The following B4GALNT2 variants were observed in gnomAD, a reference collection of about 807,000 sequenced individuals.
B4GALNT2 encodes beta-1,4-N-acetyl-galactosaminyltransferase 2 (SID blood group).
In B4GALNT2, 42 loss-of-function variants were observed where a neutral mutation model predicts 51.1. The observed-to-expected ratio is 0.82, with a 90% CI of 0.64 to 1.06. The LOEUF is 1.06. Ranked by LOEUF, B4GALNT2 falls within the 50% of genes least tolerant of loss-of-function variation. B4GALNT2 has a pLI of 0.00. For synonymous variants in B4GALNT2, 253 were observed against 251.7 expected (o/e 1.01, Z -0.05); for missense variants, 602 against 633.6 (o/e 0.95, Z 0.54).
At chr17:49,134,815 T>A (rs2042575791) in intron 1 of B4GALNT2, among the ~76,000 whole-genome samples, 1 of 152,126 alleles carries the variant, frequency 6.6e-6, no homozygotes, top group South Asian at 2.1e-4. Flanking sequence ...AGTCCCGAAC[T>A]CCTGACCTCA....
rs1285421562 is a variant in B4GALNT2 at position 49,164,128 on chromosome 17, T to C, written c.807T>C (p.Thr269=). ...ACCTGGTTACCATTGCTACCAAGAC[T>C]TTCCTCCGCCCCCACAAGCTCATGA... ...LRNLVTIATK[T]FLRPHKLMIM... The change falls in exon 8 of 11, where the codon ACT becomes ACC. Residue 269 remains threonine (T), a synonymous_variant. Transcript: ENST00000393354. 6.2e-7 allele frequency: 1 copy of C among 1,614,088 alleles called. No homozygotes were observed. The highest frequency in any genetic ancestry group is 1.1e-5 in the South Asian group (1 of 91,084).
intron 4 of B4GALNT2, 133 bp downstream of exon 4, chr17:49,153,039 A>T: frequency 1.3e-6 from 1 of 759,772 alleles, no homozygotes; most frequent in South Asian, 1.5e-5. Context: ...GGAGTTCAAG[A>T]CTGCAGTGAG....
At chr17:49,133,770 G>A (rs1200301203) in intron 1 of B4GALNT2, among the ~76,000 whole-genome samples, 2 of 152,062 alleles carry the variant, frequency 1.3e-5, no homozygotes, top group Admixed American at 1.3e-4. Context: ...AAAATTAGCC[G>A]GGTGTGGTGG....
intron 10 of B4GALNT2, 24 bp downstream of exon 10, chr17:49,168,924 G>C (rs769311191): frequency 1.2e-4 from 198 of 1,603,106 alleles, no homozygotes; most frequent in Non-Finnish European, 1.7e-5. Context: ...AAGAGTGAGG[G>C]AGGGAGCTGG....
At chr17:49,122,796 G>T in the B4GALNT2 span, among the ~76,000 whole-genome samples, 1 of 152,182 alleles carries the variant, frequency 6.6e-6, no homozygotes, top group African/African-American at 2.4e-5. Context: ...TAAGCAAAAT[G>T]CTACAGTAAC....
chr17:49,132,815 C>G lies in B4GALNT2; in HGVS notation c.14+9C>G, dbSNP rs1248920932. 1 of 1,377,132 alleles carries G rather than the reference C, an allele frequency of 7.3e-7. No individual in the cohort carries two copies. The highest frequency in any genetic ancestry group is 9.4e-7 in the Non-Finnish European group (1 of 1,063,526). The allele number at this position is 1,377,132 out of a possible 1,614,324, so 85.3% of individuals were successfully genotyped here. A position where few individuals can be genotyped will look rare whatever the true frequency, so the allele number is the denominator to read the frequency against. ...GGGATGACTTCGGGCGGGTGAGTGT[C>G]CCCGGGGCAGAGCAGAGCGAGAGGT... is the stretch of plus-strand genomic sequence containing the variant. On this transcript the variant is annotated intron_variant, in intron 1 of 10. Coordinates refer to ENST00000393354, the MANE Select transcript of B4GALNT2 (RefSeq NM_001159387.2).
At chr17:49,158,117 A>C (rs1457059841) in intron 5 of B4GALNT2, among the ~76,000 whole-genome samples, 2 of 152,142 alleles carry the variant, frequency 1.3e-5, no homozygotes, top group Admixed American at 6.5e-5. Flanking sequence ...GTGTGCAGAA[A>C]AGGGTAGAGC....
At chr17:49,124,270 A>T in the B4GALNT2 span, among the ~76,000 whole-genome samples, 1 of 152,300 alleles carries the variant, frequency 6.6e-6, no homozygotes, top group African/African-American at 2.4e-5. Context: ...AGAGTCCTGA[A>T]CGTTTTTCCT....
At chr17:49,137,805 A>T (rs943860468) in intron 1 of B4GALNT2, among the ~76,000 whole-genome samples, 2 of 152,186 alleles carry the variant, frequency 1.3e-5, no homozygotes, top group Non-Finnish European at 2.9e-5. Context: ...TAATGTCTGG[A>T]GATATTAAAG....
chr17:49,124,517 AC>A, the B4GALNT2 span, among the ~76,000 whole-genome samples: 1 of 152,230 alleles, frequency 6.6e-6, no homozygotes, highest in African/African-American at 2.4e-5. Flanking sequence ...ACTACTGATA[AC>A]ATACACTAAG....
chr17:49,159,159 C>T lies in B4GALNT2; in HGVS notation c.621C>T (p.Phe207=). ...CCAGTGACCGGAAGCTGTTGAAGTTCATTCTTCAGCACGTGACATACACCA... is the reference window on the plus strand; with the variant it reads ...CCAGTGACCGGAAGCTGTTGAAGTTTATTCTTCAGCACGTGACATACACCA... ...ISTSDRKLLK[F]ILQHVTYTST... is the part of the protein sequence containing the mutation. The change falls in exon 6 of 11, where the codon TTC becomes TTT. Residue 207 remains phenylalanine, a synonymous_variant. Transcript: ENST00000393354. 2 of 1,614,194 alleles carry T rather than the reference C, an allele frequency of 1.2e-6. No individual in the cohort carries two copies. The highest frequency in any genetic ancestry group is 1.7e-6 in the Non-Finnish European group (2 of 1,180,032).
chr17:49,120,867 G>C, the B4GALNT2 span, among the ~76,000 whole-genome samples: 1 of 151,946 alleles, frequency 6.6e-6, no homozygotes, highest in Non-Finnish European at 1.5e-5. Context: ...TAAGCTTCAC[G>C]CCTCACTGAG....
intron 3 of B4GALNT2, among the ~76,000 whole-genome samples, chr17:49,144,452 G>C (rs2042673816): frequency 1.3e-5 from 2 of 152,210 alleles, no homozygotes; most frequent in South Asian, 4.1e-4. Context: ...TTTCAACCCT[G>C]GTGCACCTAG....
chr17:49,165,438 CCT>C (rs201661956), intron 8 of B4GALNT2, among the ~76,000 whole-genome samples: 2 of 116,136 alleles, frequency 1.7e-5, no homozygotes, highest in Non-Finnish European at 3.6e-5. Context: ...TCTCCTCCCA[CCT>C]CTCTCTCACT....
At position 49,172,179 on chromosome 17, in the gene B4GALNT2, A is replaced by C. The variant is rs1382188989; in HGVS notation, c.*2451A>C. On this transcript the variant is annotated 3_prime_UTR_variant, in exon 11 of 11. Transcript: ENST00000393354. ...CCCCAGGTAGGTGGCTGTGTTCGAC[A>C]GCTGTTGCTCATGATAGTTGGGGTC... is the stretch of plus-strand genomic sequence containing the variant. The C allele has an allele frequency of 3.7e-6, 1 of 267,376 alleles. No individual in the cohort carries two copies. Among genetic ancestry groups the C allele is most frequent in the Admixed American group, 5.2e-5 (1 of 19,050 alleles). The allele number at this position is 267,376 out of a possible 1,614,324, so 16.6% of individuals were successfully genotyped here.
Position 49,142,068 on chromosome 17 carries a change from C to A in B4GALNT2, c.249C>A (p.Ala83=). Residue 83 remains alanine (A), a synonymous_variant, in exon 3 of 11, where the codon GCC becomes GCA. Coordinates refer to ENST00000393354, the MANE Select transcript of B4GALNT2 (RefSeq NM_001159387.2). The part of the protein sequence containing the change: ...LFPKNQCKCE[A]NKEQGGYNFQ... ...CGAAAAATCAGTGCAAATGTGAAGC[C>A]AACAAAGAGCAGGGAGGTTACAACT... 1 of 1,614,136 alleles carries A rather than the reference C, an allele frequency of 6.2e-7. No individual in the cohort carries two copies. The highest frequency in any genetic ancestry group is 1.1e-5 in the South Asian group (1 of 91,084).
chr17:49,142,326 A>G (rs1325638169), intron 3 of B4GALNT2, among the ~76,000 whole-genome samples, 154 bp downstream of exon 3: 1 of 152,168 alleles, frequency 6.6e-6, no homozygotes, highest in Non-Finnish European at 1.5e-5. Flanking sequence ...CAAAGAAGGA[A>G]TCGAGGAAAT....
intron 3 of B4GALNT2, among the ~76,000 whole-genome samples, 170 bp from the exon 4 acceptor site, chr17:49,152,630 C>T (rs754899019): frequency 1.3e-5 from 2 of 152,134 alleles, no homozygotes; most frequent in African/African-American, 2.4e-5. Flanking sequence ...GAGCCGAGAT[C>T]GCACTATTGC....
chr17:49,151,114 C>CAT (rs2144306862), intron 3 of B4GALNT2, among the ~76,000 whole-genome samples: 1 of 55,266 alleles, frequency 1.8e-5, no homozygotes, highest in East Asian at 5.7e-4. Flanking sequence ...GTGGCTCACG[C>CAT]CTGTAATCCC....
Sources: allele counts gnomAD v4.1 joint callset (sites outside exome capture counted in the v4.1 genomes callset), GRCh38; gene constraint gnomAD v4.1.1; transcripts MANE v1.5; gene names NCBI Gene and HGNC (gene_info 2026-07-23, HGNC 2026-07-21).